SPTBN1: variants seen among roughly 807,000 people sequenced by gnomAD.
SPTBN1 encodes the protein spectrin beta chain, non-erythrocytic 1.
In SPTBN1, 32 loss-of-function variants were observed where a neutral mutation model predicts 266.4. The ratio of observed to expected loss-of-function variants is 0.12; its 90% CI spans 0.09 to 0.16. The LOEUF (loss-of-function observed/expected upper bound fraction) is 0.16. Ranked by LOEUF, SPTBN1 falls within the 10% of genes least tolerant of loss-of-function variation. SPTBN1 has a pLI of 1.00. For missense variants in SPTBN1, 2,296 were observed against 3,067.1 expected (o/e 0.75, Z 5.94); for synonymous variants, 1,336 against 1,162.2 (o/e 1.15, Z -3.04).
At chr2:54,642,807 C>G (rs76447241) in intron 18 of SPTBN1, among the ~76,000 whole-genome samples, 176 bp from the exon 19 acceptor site, 3 of 152,140 alleles carry the variant, frequency 2.0e-5, no homozygotes, top group Non-Finnish European at 4.4e-5. Flanking sequence ...GGTACAAGCT[C>G]CATCTAATGG....
rs1043145988 is a variant in SPTBN1 at position 54,558,038 on chromosome 2, G to A, written c.148+31472G>A. On this transcript the variant is annotated intron_variant, in intron 2 of 35. Coordinates refer to ENST00000356805, the MANE Select transcript of SPTBN1 (RefSeq NM_003128.3). The surrounding 1 kb of genome is among the most constrained non-coding windows in gnomAD (Gnocchi z 4.6). ...GACCCTTGGGGCTCTTCACTCTCCA[G>A]GCCGTCCCGTGGGCGCGCTAGCCTT... is the stretch of plus-strand genomic sequence containing the variant. The A allele has an allele frequency of 1.0e-6, 1 of 985,180 alleles. No individual in the cohort carries two copies. Among genetic ancestry groups the A allele is most frequent in the African/African-American group, 1.7e-5 (1 of 57,218 alleles). The allele number at this position is 985,180 out of a possible 1,614,324, so 61.0% of individuals were successfully genotyped here.
intron 2 of SPTBN1, among the ~76,000 whole-genome samples, chr2:54,529,118 T>G (rs1003226054): frequency 3.3e-5 from 5 of 152,208 alleles, no homozygotes; most frequent in Non-Finnish European, 7.3e-5. Context: ...CACGGGATGC[T>G]GATTCAGTAG....
At chr2:54,543,153 G>A (rs1672033794) in intron 2 of SPTBN1, among the ~76,000 whole-genome samples, 1 of 152,178 alleles carries the variant, frequency 6.6e-6, no homozygotes, top group Non-Finnish European at 1.5e-5. Flanking sequence ...GAGGCCTGGA[G>A]TCCCACATGA....
chr2:54,456,434 C>G lies in SPTBN1; in HGVS notation c.-132C>G, dbSNP rs1693032192. 2.0e-5 allele frequency: 3 copies of G among 152,018 alleles called. No individual in the cohort carries two copies. Among genetic ancestry groups the G allele is most frequent in the Admixed American group, 2.0e-4 (3 of 15,260 alleles). The allele number at this position is 152,018 out of a possible 1,614,324, so 9.4% of individuals were successfully genotyped here. A position where few individuals can be genotyped will look rare whatever the true frequency, so the allele number is the denominator to read the frequency against. The stretch of plus-strand genomic sequence containing the variant: ...CCGGCCCCAGCCGCGGACAGACCCG[C>G]GGAGTCGCCTCCCGGCCCACCCGCC... On this transcript the variant is annotated 5_prime_UTR_variant, in exon 1 of 36. Coordinates refer to ENST00000356805, the MANE Select transcript of SPTBN1 (RefSeq NM_003128.3).
intron 1 of SPTBN1, among the ~76,000 whole-genome samples, chr2:54,478,058 A>C (rs1667927339): frequency 6.6e-6 from 1 of 152,202 alleles, no homozygotes; most frequent in South Asian, 2.1e-4. Context: ...ATGACCCATC[A>C]CAAAAACATA....
intron 1 of SPTBN1, 110 bp from the exon 2 acceptor site, chr2:54,526,262 T>G: frequency 1.2e-6 from 1 of 852,960 alleles, no homozygotes; most frequent in Non-Finnish European, 1.7e-6. Flanking sequence ...CCAGAAGACC[T>G]ATTCTTGGCA....
intron 34 of SPTBN1, among the ~76,000 whole-genome samples, chr2:54,667,010 C>T (rs910268474): frequency 3.3e-5 from 5 of 152,160 alleles, no homozygotes; most frequent in Admixed American, 2.0e-4. Flanking sequence ...GGGATATTAG[C>T]GAACGGCCCC....
intron 24 of SPTBN1, among the ~76,000 whole-genome samples, chr2:54,648,596 G>A (rs1333528505): frequency 1.3e-5 from 2 of 152,144 alleles, no homozygotes; most frequent in Non-Finnish European, 2.9e-5. Flanking sequence ...TTCCTGACTG[G>A]GAAGATTTTG....
intron 2 of SPTBN1, among the ~76,000 whole-genome samples, chr2:54,566,185 CTTTTTTT>C (rs59369956): frequency 6.4e-5 from 8 of 125,224 alleles, no homozygotes; most frequent in Non-Finnish European, 1.1e-4. Flanking sequence ...TTTCTTTTTT[CTTTTTTT>C]TTTTTTTTTT....
intron 2 of SPTBN1, among the ~76,000 whole-genome samples, chr2:54,567,631 G>A (rs1000669938): frequency 3.3e-5 from 5 of 152,092 alleles, no homozygotes; most frequent in African/African-American, 1.2e-4. Flanking sequence ...GTATTGCATT[G>A]TGGTGAAGTC....
chr2:54,526,459 T>C lies in SPTBN1; in HGVS notation c.41T>C (p.Ile14Thr). The C allele has an allele frequency of 1.2e-6, 2 of 1,614,166 alleles. No individual in the cohort carries two copies. The highest frequency in any genetic ancestry group is 1.7e-6 in the Non-Finnish European group (2 of 1,180,030). ...GCCACAGACTATGACAACATTGAGATCCAGCAGCAGTACAGTGATGTCAAC... is the reference window on the plus strand; with the variant it reads ...GCCACAGACTATGACAACATTGAGACCCAGCAGCAGTACAGTGATGTCAAC... ...TVATDYDNIE[I>T]QQQYSDVNNR... The change falls in exon 2 of 36, where the codon ATC becomes ACC. Residue 14 changes from isoleucine to threonine, a missense_variant. By Grantham distance (89) the Ile-to-Thr change is moderately conservative. Transcript: ENST00000356805.
chr2:54,655,300 T>TCAGAGA, intron 28 of SPTBN1, 92 bp downstream of exon 28: 1 of 1,490,250 alleles, frequency 6.7e-7, no homozygotes, highest in Non-Finnish European at 9.1e-7. Context: ...GATACTGTGT[T>TCAGAGA]TACATTCTTA....
At chr2:54,606,954 T>A (rs1241057169) in intron 3 of SPTBN1, among the ~76,000 whole-genome samples, 1 of 152,228 alleles carries the variant, frequency 6.6e-6, no homozygotes. Flanking sequence ...TTTTCCTACC[T>A]CGTTAGATTG....
At chr2:54,579,737 A>T (rs1268357208) in intron 2 of SPTBN1, among the ~76,000 whole-genome samples, 3 of 152,246 alleles carry the variant, frequency 2.0e-5, no homozygotes, top group African/African-American at 7.2e-5. Flanking sequence ...AGAATTGATG[A>T]GAATGTAGGA....
At chr2:54,627,972 G>A in intron 12 of SPTBN1, 125 bp from the exon 13 acceptor site, 1 of 1,085,490 alleles carries the variant, frequency 9.2e-7, no homozygotes, top group Non-Finnish European at 1.3e-6. Context: ...TGAAGGTGTG[G>A]GGTCCATGGC....
chr2:54,467,036 G>T (rs771190157), intron 1 of SPTBN1, among the ~76,000 whole-genome samples: 15 of 151,974 alleles, frequency 9.9e-5, no homozygotes, highest in Non-Finnish European at 1.5e-4. Context: ...CATTGTCCAG[G>T]AGGAATCAGC....
At position 54,644,436 on chromosome 2, in the gene SPTBN1, C is replaced by T. The variant is rs746936563; in HGVS notation, c.4119C>T (p.Ala1373=). 2.5e-6 allele frequency: 4 copies of T among 1,614,198 alleles called. No individual in the cohort carries two copies. The highest frequency in any genetic ancestry group is 3.4e-6 in the Non-Finnish European group (4 of 1,180,042). Residue 1373 remains alanine, a synonymous_variant, in exon 20 of 36, where the codon GCC becomes GCT. Coordinates refer to ENST00000356805, the MANE Select transcript of SPTBN1 (RefSeq NM_003128.3). ...EVLESTTQTK[A]QRLFDANKAE... ...TTGAATCCACTACCCAGACAAAGGCCCAGCGGCTCTTTGATGCAAACAAGG... is the reference window on the plus strand; with the variant it reads ...TTGAATCCACTACCCAGACAAAGGCTCAGCGGCTCTTTGATGCAAACAAGG...
At chr2:54,468,766 T>G (rs558041748) in intron 1 of SPTBN1, among the ~76,000 whole-genome samples, 1 of 152,350 alleles carries the variant, frequency 6.6e-6, no homozygotes, top group African/African-American at 2.4e-5. Flanking sequence ...TGCTTTCTGT[T>G]TTGTTCTGAA....
At position 54,669,651 on chromosome 2, in the gene SPTBN1, A is replaced by G. The variant is rs569426473; in HGVS notation, c.*1082A>G. On this transcript the variant is annotated 3_prime_UTR_variant, in exon 36 of 36. Transcript: ENST00000356805. ...TTGCCCTATCTGTTAAATATATGCT[A>G]TGTCATTAAATGCTTTTAAATCTAG... The G allele has an allele frequency of 6.5e-6, 1 of 152,768 alleles. No homozygotes were observed. Among genetic ancestry groups the G allele is most frequent in the Admixed American group, 6.5e-5 (1 of 15,308 alleles). 9.5% of individuals were successfully genotyped at this position (152,768 alleles called of 1,614,324 possible).
Sources: gnomAD v4.1 joint callset for allele counts (sites outside exome capture counted in the v4.1 genomes callset) on GRCh38, gnomAD v4.1.1 for gene constraint, Gnocchi (gnomAD v3.1) non-coding constraint, MANE v1.5 for transcripts, NCBI Gene and HGNC (gene_info 2026-07-23, HGNC 2026-07-21) for gene names.